The following HEATR5B variants were observed in gnomAD, a reference collection of about 807,000 sequenced individuals.
HEATR5B encodes the protein HEAT repeat-containing protein 5B.
A neutral mutation model predicts 224.1 loss-of-function variants in HEATR5B; 156 were observed. The ratio of observed to expected loss-of-function variants is 0.70; its 90% CI spans 0.61 to 0.80. HEATR5B has a LOEUF of 0.80. HEATR5B is among the 30% of genes least tolerant of loss of function. HEATR5B has a pLI of 0.00. For synonymous variants in HEATR5B, 1,027 were observed against 893.0 expected (o/e 1.15, Z -2.68); for missense variants, 2,323 against 2,535.5 (o/e 0.92, Z 1.80).
chr2:37,037,155 T>TATATATATATATATATATAC (rs1243537262), intron 21 of HEATR5B, among the ~76,000 whole-genome samples: 2 of 136,866 alleles, frequency 1.5e-5, no homozygotes, highest in Admixed American at 7.3e-5. Flanking sequence ...GATATATATA[T>TATATATATATATATATATAC]ATATTTTGGA....
intron 33 of HEATR5B, among the ~76,000 whole-genome samples, chr2:36,995,379 A>G (rs1666628694): frequency 6.6e-6 from 1 of 152,128 alleles, no homozygotes; most frequent in African/African-American, 2.4e-5. Flanking sequence ...TACCATGGCC[A>G]GCCCTTGTTA....
In HEATR5B at chr2:37,027,062, G is replaced by C. The variant is rs1023105346; in HGVS notation, c.3853+861C>G. ...GATCCACCTGCCTCAGACTCCCAAA[G>C]TGCTGGGATGTAATTACAGGCATGA... On this transcript the variant is annotated intron_variant, in intron 24 of 35. Transcript: ENST00000233099. Among the ~76,000 whole-genome samples the C allele has an allele frequency of 8.5e-5, 13 of 152,318 alleles. No homozygotes were observed. The East Asian group carries it at 1.2e-3, about 14-fold the overall frequency.
chr2:36,999,742 G>T (rs1403496423), intron 33 of HEATR5B, among the ~76,000 whole-genome samples: 6 of 151,822 alleles, frequency 4.0e-5, no homozygotes, highest in East Asian at 2.0e-4. Context: ...GCCGGGTGCG[G>T]TAGCTCACGT....
chr2:37,071,083 A>G (rs546814930), intron 6 of HEATR5B, among the ~76,000 whole-genome samples: 8 of 152,306 alleles, frequency 5.3e-5, no homozygotes, highest in African/African-American at 1.9e-4. Context: ...AAATTTTGTA[A>G]TACACTTAAT....
At position 37,068,819 on chromosome 2, in the gene HEATR5B, G is replaced by A; in HGVS notation, c.1039C>T (p.His347Tyr). 6.2e-7 allele frequency: 1 copy of A among 1,614,118 alleles called. No homozygotes were observed. The highest frequency in any genetic ancestry group is 8.5e-7 in the Non-Finnish European group (1 of 1,180,014). ...CGTCTGGAGTACACAGCCTCCACAT[G>A]TGTTTGTGTTGCCCGAGGATGGGAA... is the stretch of plus-strand genomic sequence containing the variant. ...LVSHPRATQTHVEAVYSRRCV... is the reference protein window; with the variant it reads ...LVSHPRATQTYVEAVYSRRCV... The change falls in exon 8 of 36, where the codon CAT becomes TAT. Residue 347 changes from histidine to tyrosine, a missense_variant. Around this residue, in one of 12 missense-constraint regions of HEATR5B, gnomAD observed 502 missense variants for 517.8 expected, o/e 0.97. Transcript: ENST00000233099.
chr2:37,072,935 G>A (rs576892541), intron 5 of HEATR5B, among the ~76,000 whole-genome samples: 5 of 152,254 alleles, frequency 3.3e-5, no homozygotes, highest in African/African-American at 1.2e-4. Context: ...GAATAGCCCA[G>A]TATCTATGTT....
rs1421961469 is a variant in HEATR5B at position 37,020,652 on chromosome 2, C to T, written c.4035+3G>A. On this transcript the variant is annotated splice_donor_region_variant and intron_variant, in intron 25 of 35. Coordinates refer to ENST00000233099, the MANE Select transcript of HEATR5B (RefSeq NM_019024.3). The stretch of plus-strand genomic sequence containing the variant: ...AAGTTCTTAAATAAATAGAAAATCT[C>T]ACATTAGCCTGATACTGCTCCAGTA... 1 of 1,527,682 alleles carries T rather than the reference C, an allele frequency of 6.5e-7. No individual in the cohort carries two copies. The highest frequency in any genetic ancestry group is 2.4e-5 in the East Asian group (1 of 42,364). The allele number at this position is 1,527,682 out of a possible 1,614,324, so 94.6% of individuals were successfully genotyped here. A position where few individuals can be genotyped will look rare whatever the true frequency, so the allele number is the denominator to read the frequency against.
intron 2 of HEATR5B, among the ~76,000 whole-genome samples, chr2:37,079,897 G>C (rs1433925982): frequency 6.6e-6 from 1 of 152,114 alleles, no homozygotes; most frequent in Non-Finnish European, 1.5e-5. Context: ...AGACAAACAA[G>C]TCCCTGCCCT....
intron 33 of HEATR5B, among the ~76,000 whole-genome samples, chr2:36,997,883 C>T (rs114788440): frequency 0.011 from 1,619 of 152,240 alleles, 33 homozygotes; most frequent in African/African-American, 0.037. Context: ...GCCATTCTAA[C>T]GTAAAACATT....
At chr2:37,008,492 A>C in intron 28 of HEATR5B, 119 bp downstream of exon 28, 1 of 724,780 alleles carries the variant, frequency 1.4e-6, no homozygotes. Flanking sequence ...CATCAAACTT[A>C]AGCCACAGAA....
At position 37,002,428 on chromosome 2, in the gene HEATR5B, G is replaced by C. The variant is rs1667149693; in HGVS notation, c.5195C>G (p.Thr1732Ser). 6.2e-7 allele frequency: 1 copy of C among 1,614,076 alleles called. No homozygotes were observed. Among genetic ancestry groups the C allele is most frequent in the East Asian group, 2.2e-5 (1 of 44,894 alleles). ...GTGACTTGGAGAGTCTGACACCTTG[G>C]TACTGAGATGTGGCATATGCCGTAC... ...ILVRHMPHLS[T>S]KVSDSPSHIA... is the part of the protein sequence containing the mutation. The change falls in exon 32 of 36, where the codon ACC (threonine) becomes AGC (serine). Residue 1732 changes from threonine to serine, a missense_variant. Around this residue, in one of 12 missense-constraint regions of HEATR5B, gnomAD observed 844 missense variants for 812.9 expected, o/e 1.04. Transcript: ENST00000233099.
At position 37,008,684 on chromosome 2, in the gene HEATR5B, C is replaced by T; in HGVS notation, c.4449G>A (p.Leu1483=). Residue 1483 remains leucine (L), a synonymous_variant, in exon 28 of 36, where the codon CTG becomes CTA. Transcript: ENST00000233099. ...VQPELPTLSR[L]WLAALKDYAL... is the part of the protein sequence containing the mutation. ...CATAATCTTTTAATGCTGCTAACCA[C>T]AGGCGACTGAGTGTTGGTAGTTCAG... 3.1e-6 allele frequency: 5 copies of T among 1,614,164 alleles called. No individual in the cohort carries two copies. The highest frequency in any genetic ancestry group is 2.2e-5 in the South Asian group (2 of 91,086).
At chr2:37,062,132 A>T in intron 10 of HEATR5B, 82 bp from the exon 11 acceptor site, 1 of 859,752 alleles carries the variant, frequency 1.2e-6, no homozygotes, top group Non-Finnish European at 1.9e-6. Flanking sequence ...TACATTACTT[A>T]AAAGAAGTTG....
intron 27 of HEATR5B, among the ~76,000 whole-genome samples, 157 bp downstream of exon 27, chr2:37,013,684 G>A (rs1467375434): frequency 6.6e-6 from 1 of 152,120 alleles, no homozygotes; most frequent in Non-Finnish European, 1.5e-5. Flanking sequence ...TCAATATAGA[G>A]GTTTTCAGTA....
chr2:37,035,157 T>G (rs1229997523), intron 21 of HEATR5B, among the ~76,000 whole-genome samples: 1 of 152,212 alleles, frequency 6.6e-6, no homozygotes, highest in Admixed American at 6.5e-5. Flanking sequence ...AAATGGTGAC[T>G]GGCAAAGCCT....
In HEATR5B at chr2:36,990,754, A is replaced by AT; in HGVS notation, c.5590dup (p.Ile1864AsnfsTer9). The AT allele has an allele frequency of 2.5e-6, 4 of 1,611,190 alleles. No homozygotes were observed. The highest frequency in any genetic ancestry group is 3.4e-6 in the Non-Finnish European group (4 of 1,178,054). Reference sequence around the variant, plus strand: ...ACTAGCAGACCACAGGAAGAGTGCAATTGCTGTTAGCATGCTTACTTCATC... The same window carrying AT: ...ACTAGCAGACCACAGGAAGAGTGCAATTTGCTGTTAGCATGCTTACTTCATC... On this transcript the variant is annotated frameshift_variant, in exon 34 of 36. Coordinates refer to ENST00000233099, the MANE Select transcript of HEATR5B (RefSeq NM_019024.3). LOFTEE classifies it high-confidence loss of function.
intron 34 of HEATR5B, 129 bp from the exon 35 acceptor site, chr2:36,988,988 C>T (rs1666137180): frequency 7.5e-6 from 5 of 668,320 alleles, no homozygotes; most frequent in East Asian, 5.5e-5. Flanking sequence ...ACATTTTCTA[C>T]TTAGAGAAAT....
rs1230020135 is a variant in HEATR5B at position 37,084,306 on chromosome 2, G to A, written c.-60C>T. ...AAGGGAAGATCAGCTGAGCTCCGGG[G>A]GTAGAAGCAGCCACCAAGAGACCCG... On this transcript the variant is annotated 5_prime_UTR_variant, in exon 1 of 36. Transcript: ENST00000233099. The A allele has an allele frequency of 5.0e-6, 2 of 398,216 alleles. No homozygotes were observed. Among genetic ancestry groups the A allele is most frequent in the African/African-American group, 2.1e-5 (1 of 48,730 alleles). The allele number at this position is 398,216 out of a possible 1,614,324, so 24.7% of individuals were successfully genotyped here. A position where few individuals can be genotyped will look rare whatever the true frequency, so the allele number is the denominator to read the frequency against.
At chr2:37,038,202 C>T (rs541025105) in intron 20 of HEATR5B, among the ~76,000 whole-genome samples, 178 bp from the exon 21 acceptor site, 6 of 152,162 alleles carry the variant, frequency 3.9e-5, no homozygotes, top group South Asian at 2.1e-4. Flanking sequence ...TGCAGTGGCG[C>T]GATCTCGGCT....
Sources: allele counts gnomAD v4.1 joint callset (sites outside exome capture counted in the v4.1 genomes callset), GRCh38; gene constraint gnomAD v4.1.1; regional missense constraint gnomAD v4.1.1; transcripts MANE v1.5; gene names NCBI Gene and HGNC (gene_info 2026-07-23, HGNC 2026-07-21).